Variants in MRPS14 observed in about 807,000 individuals in gnomAD.
MRPS14 encodes the protein mitochondrial ribosomal protein S14.
In MRPS14, 14 loss-of-function variants were observed where a neutral mutation model predicts 16.4. The ratio of observed to expected loss-of-function variants is 0.85; its 90% CI spans 0.56 to 1.33. The LOEUF (loss-of-function observed/expected upper bound fraction) is 1.33, where lower values mean the gene tolerates loss of function less well. Among genes scored for constraint, MRPS14 ranks in the 40% most tolerant of loss-of-function variants. MRPS14 has a pLI of 0.00. For missense variants in MRPS14, 162 were observed against 176.8 expected (o/e 0.92, Z 0.48); for synonymous variants, 54 against 61.9 (o/e 0.87, Z 0.60).
rs1672869953 is a variant in MRPS14, at chr1:175,015,699, TTATG to T, written c.205-852_205-849del. 5.9e-5 allele frequency among the ~76,000 whole-genome samples: 9 copies of T among 152,248 alleles called. No homozygotes were observed. The South Asian group carries it at 1.9e-3, about 31-fold the overall frequency. On this transcript the variant is annotated intron_variant, in intron 2 of 2. Transcript: ENST00000476371. ...AGGTTTTGTCAGTAGAGATTTCTTC[TTATG>T]TATGTGTTCAAGAGTGTGAGTGTTC...
intron 2 of MRPS14, among the ~76,000 whole-genome samples, chr1:175,016,373 C>A (rs1672882592): frequency 6.6e-6 from 1 of 152,132 alleles, no homozygotes; most frequent in Non-Finnish European, 1.5e-5. Context: ...ATACCCCTTC[C>A]TTCTTGTTCC....
chr1:175,018,569 G>A lies in MRPS14; in HGVS notation c.53C>T (p.Pro18Leu), dbSNP rs751472292. The A allele has an allele frequency of 6.3e-7, 1 of 1,595,080 alleles. No homozygotes were observed. Reference sequence around the variant, plus strand: ...TCGAACTTGGCCTGAAGCTGATGAAGGAACCATCTGAAAGACAGAGACAAG... The same window carrying A: ...TCGAACTTGGCCTGAAGCTGATGAAAGAACCATCTGAAAGACAGAGACAAG... ...SLLRTFKQMV[P>L]SSASGQVRSH... The change falls in exon 2 of 3, where the codon CCT becomes CTT. Residue 18 changes from proline to leucine, a missense_variant. Coordinates refer to ENST00000476371, the MANE Select transcript of MRPS14 (RefSeq NM_022100.3).
chr1:175,018,902 T>C (rs1159659485), intron 1 of MRPS14, among the ~76,000 whole-genome samples: 1 of 152,094 alleles, frequency 6.6e-6, no homozygotes, highest in Non-Finnish European at 1.5e-5. Context: ...ATCAAAAAGG[T>C]ATAAGAAGAC....
At chr1:175,023,137 G>T in intron 1 of MRPS14, 1 of 1,081,068 alleles carries the variant, frequency 9.3e-7, no homozygotes, top group Non-Finnish European at 1.3e-6. Flanking sequence ...ACAAATCGGA[G>T]TCAATCTCAC....
Position 175,023,345 on chromosome 1 carries a change from A to G in MRPS14, c.45+19T>C. ...TCAGCGGTGAGGGGTAGCGGTGTGG[A>G]TAAAAGTAGAGGCCTGACCTGCTTG... On this transcript the variant is annotated intron_variant, in intron 1 of 2. Transcript: ENST00000476371. The G allele has an allele frequency of 6.2e-7, 1 of 1,613,686 alleles. No individual in the cohort carries two copies. The highest frequency in any genetic ancestry group is 1.7e-4 in the Middle Eastern group (1 of 6,058).
At position 175,014,839 on chromosome 1, in the gene MRPS14, C is replaced by G. The variant is rs1440571609; in HGVS notation, c.217G>C (p.Glu73Gln). The change falls in exon 3 of 3, where the codon GAA becomes CAA. Residue 73 changes from glutamate to glutamine, a missense_variant. Physicochemically the swap from Glu to Gln is conservative, Grantham distance 29. Transcript: ENST00000476371. Reference sequence around the variant, plus strand: ...TCCCGGGGGAGGGCAGCAATTTCTTCATCAGCCACATCCTAAGGGAAATCA... The same window carrying G: ...TCCCGGGGGAGGGCAGCAATTTCTTGATCAGCCACATCCTAAGGGAAATCA... ...LPKILQDVAD[E>Q]EIAALPRDSC... 1.2e-6 allele frequency: 2 copies of G among 1,613,972 alleles called. No homozygotes were observed. The highest frequency in any genetic ancestry group is 3.3e-5 in the Admixed American group (2 of 59,954).
chr1:175,021,570 T>C (rs919300475), intron 1 of MRPS14, among the ~76,000 whole-genome samples: 1 of 152,204 alleles, frequency 6.6e-6, no homozygotes, highest in East Asian at 1.9e-4. Flanking sequence ...AATCCATTGA[T>C]CCTACCATTT....
intron 1 of MRPS14, 27 bp downstream of exon 1, chr1:175,023,337 C>T: frequency 6.2e-7 from 1 of 1,612,638 alleles, no homozygotes; most frequent in Non-Finnish European, 8.5e-7. Flanking sequence ...TGAGGGGTAG[C>T]GGTGTGGATA....
In MRPS14 at chr1:175,023,395, A is replaced by G. The variant is rs760873216; in HGVS notation, c.14T>C (p.Met5Thr). 1.9e-5 allele frequency: 31 copies of G among 1,614,084 alleles called. No homozygotes were observed. Among genetic ancestry groups the G allele is most frequent in the Middle Eastern group, 1.6e-4 (1 of 6,082 alleles). The change falls in exon 1 of 3, where the codon ATG (methionine) becomes ACG (threonine). Residue 5 changes from methionine to threonine, a missense_variant. By Grantham distance (81) the Met-to-Thr change is moderately conservative (BLOSUM62 -1). Coordinates refer to ENST00000476371, the MANE Select transcript of MRPS14 (RefSeq NM_022100.3). ...GAACGTCCGCAGCAGCGAGCCCAGCATGAAGGCCGCCATGTTGTCCGCTAC... is the reference window on the plus strand; with the variant it reads ...GAACGTCCGCAGCAGCGAGCCCAGCGTGAAGGCCGCCATGTTGTCCGCTAC... Reference protein sequence around the residue: MAAFMLGSLLRTFKQ... With the variant: MAAFTLGSLLRTFKQ...
Position 175,014,684 on chromosome 1 carries a change from C to G in MRPS14, c.372G>C (p.Gln124His). 1.2e-6 allele frequency: 2 copies of G among 1,611,224 alleles called. No individual in the cohort carries two copies. Among genetic ancestry groups the G allele is most frequent in the South Asian group, 2.2e-5 (2 of 90,914 alleles). ...TGGAGCTCATTTACCATGTCGCTCGCTGGATCCCAGAAAGTTGCCCATGGT... is the reference window on the plus strand; with the variant it reads ...TGGAGCTCATTTACCATGTCGCTCGGTGGATCCCAGAAAGTTGCCCATGGT... ...LADHGQLSGI[Q>H]RATW The change falls in exon 3 of 3, where the codon CAG becomes CAC. Residue 124 changes from glutamine to histidine, a missense_variant. Physicochemically the swap from Gln to His is conservative, Grantham distance 24 (BLOSUM62 0). Transcript: ENST00000476371.
chr1:175,023,390 C>G lies in MRPS14; in HGVS notation c.19G>C (p.Gly7Arg), dbSNP rs148320833. 5.4e-5 allele frequency: 87 copies of G among 1,614,074 alleles called. No homozygotes were observed. Among genetic ancestry groups the G allele is most frequent in the Middle Eastern group, 1.6e-4 (1 of 6,084 alleles). Residue 7 changes from glycine to arginine, a missense_variant, in exon 1 of 3, where the codon GGC becomes CGC. Gly to Arg is a moderately radical substitution (Grantham distance 125). Transcript: ENST00000476371. MAAFMLGSLLRTFKQMV... is the reference protein window; with the variant it reads MAAFMLRSLLRTFKQMV... ...TGCTTGAACGTCCGCAGCAGCGAGCCCAGCATGAAGGCCGCCATGTTGTCC... is the reference window on the plus strand; with the variant it reads ...TGCTTGAACGTCCGCAGCAGCGAGCGCAGCATGAAGGCCGCCATGTTGTCC...
chr1:175,022,189 GAA>G (rs1054820711), intron 1 of MRPS14, among the ~76,000 whole-genome samples: 6 of 151,816 alleles, frequency 4.0e-5, no homozygotes, highest in African/African-American at 1.2e-4. Context: ...TGAAAAAAAA[GAA>G]TGTAACTATT....
At chr1:175,017,613 C>T (rs1346116343) in intron 2 of MRPS14, among the ~76,000 whole-genome samples, 1 of 152,128 alleles carries the variant, frequency 6.6e-6, no homozygotes, top group Non-Finnish European at 1.5e-5. Context: ...CGCAGATATG[C>T]TACATCACCA....
At chr1:175,019,186 TCTCA>T (rs1196802695) in intron 1 of MRPS14, among the ~76,000 whole-genome samples, 2 of 152,252 alleles carry the variant, frequency 1.3e-5, no homozygotes, top group South Asian at 4.1e-4. Context: ...GCTGGACAGA[TCTCA>T]CTATTTATTA....
chr1:175,021,036 C>T (rs1449787777), intron 1 of MRPS14, among the ~76,000 whole-genome samples: 2 of 152,152 alleles, frequency 1.3e-5, no homozygotes, highest in Admixed American at 1.3e-4. Context: ...TTTGCTCTGG[C>T]CGAATTTTAA....
chr1:175,014,710 C>G lies in MRPS14; in HGVS notation c.346G>C (p.Asp116His). Residue 116 changes from aspartate to histidine, a missense_variant, in exon 3 of 3, where the codon GAC becomes CAC. Transcript: ENST00000476371. Reference protein sequence around the residue: ...LSRIVFRHLADHGQLSGIQRA... With the variant: ...LSRIVFRHLAHHGQLSGIQRA... ...TGGATCCCAGAAAGTTGCCCATGGT[C>G]AGCTAAGTGACGGAAGACTATACGA... is the stretch of plus-strand genomic sequence containing the variant. 6.2e-7 allele frequency: 1 copy of G among 1,613,712 alleles called. No individual in the cohort carries two copies. Among genetic ancestry groups the G allele is most frequent in the Non-Finnish European group, 8.5e-7 (1 of 1,179,844 alleles).
rs1339936120 is a variant in MRPS14, at chr1:175,018,591, C to T, written c.46-15G>A. The T allele has an allele frequency of 6.3e-7, 1 of 1,577,696 alleles. No individual in the cohort carries two copies. The highest frequency in any genetic ancestry group is 8.6e-7 in the Non-Finnish European group (1 of 1,164,464). ...GAAGGAACCATCTGAAAGACAGAGA[C>T]AAGGGACAAGTGAAGGATAGCCAGG... On this transcript the variant is annotated splice_polypyrimidine_tract_variant and intron_variant, in intron 1 of 2. Coordinates refer to ENST00000476371, the MANE Select transcript of MRPS14 (RefSeq NM_022100.3).
Position 175,018,453 on chromosome 1 carries a change from G to C in MRPS14, c.169C>G (p.Leu57Val). 1 of 1,606,898 alleles carries C rather than the reference G, an allele frequency of 6.2e-7. No individual in the cohort carries two copies. Among genetic ancestry groups the C allele is most frequent in the Non-Finnish European group, 8.5e-7 (1 of 1,178,262 alleles). ...YADERLRINS[L>V]RKNTILPKIL... ...TTTGGCAAAATGGTATTCTTCCTGA[G>C]TGAATTAATACGTAGCCTCTCATCT... The change falls in exon 2 of 3, where the codon CTC (leucine) becomes GTC (valine). Residue 57 changes from leucine (L) to valine (V), a missense_variant. Transcript: ENST00000476371.
At chr1:175,020,634 G>A (rs997409179) in intron 1 of MRPS14, among the ~76,000 whole-genome samples, 13 of 152,124 alleles carry the variant, frequency 8.5e-5, no homozygotes, top group Middle Eastern at 3.4e-3. Flanking sequence ...TCAGCCTCCC[G>A]AGTAGCTGGG....
Sources: allele counts gnomAD v4.1 joint callset (sites outside exome capture counted in the v4.1 genomes callset), GRCh38; gene constraint gnomAD v4.1.1; transcripts MANE v1.5; gene names NCBI Gene and HGNC (gene_info 2026-07-23, HGNC 2026-07-21).